The following USP34 variants were observed in gnomAD, a reference collection of about 807,000 sequenced individuals.
USP34 encodes ubiquitin specific peptidase 34.
Under a neutral mutation model 460.3 loss-of-function variants are expected in USP34, and 70 were observed. The observed-to-expected ratio is 0.15, with a 90% CI of 0.13 to 0.19. USP34 has a LOEUF of 0.19. Among genes scored for constraint, USP34 ranks in the 10% least tolerant of loss-of-function variants. The pLI is 1.00. For missense variants in USP34, 3,985 were observed against 4,236.2 expected (o/e 0.94, Z 1.65); for synonymous variants, 1,647 against 1,405.3 (o/e 1.17, Z -3.85).
chr2:61,415,583 G>A (rs1253065318), intron 2 of USP34, among the ~76,000 whole-genome samples: 2 of 152,130 alleles, frequency 1.3e-5, no homozygotes, highest in East Asian at 3.9e-4. Flanking sequence ...TAAGAAGAGT[G>A]TTTCAGAATA....
intron 10 of USP34, among the ~76,000 whole-genome samples, chr2:61,352,568 T>C (rs1441051287): frequency 6.6e-6 from 1 of 151,628 alleles, no homozygotes; most frequent in Non-Finnish European, 1.5e-5. Context: ...GCTCAAGTGA[T>C]CCTCTTGCCT....
intron 5 of USP34, among the ~76,000 whole-genome samples, chr2:61,383,941 C>A (rs1693055927): frequency 6.6e-6 from 1 of 152,060 alleles, no homozygotes; most frequent in African/African-American, 2.4e-5. Context: ...GTAATATTTC[C>A]TTACCAAATA....
In USP34 at chr2:61,187,789, T is replaced by A; in HGVS notation, c.*313A>T. ...CATACACAGTAAAAATGCTGTAAGT[T>A]TAAATTACATTGTACAGGGCTAGGC... On this transcript the variant is annotated 3_prime_UTR_variant, in exon 80 of 80. Transcript: ENST00000398571. 4 of 780,490 alleles carry A rather than the reference T, an allele frequency of 5.1e-6. No homozygotes were observed. The highest frequency in any genetic ancestry group is 6.6e-6 in the Non-Finnish European group (4 of 602,544). 48.3% of individuals were successfully genotyped at this position (780,490 alleles called of 1,614,324 possible).
rs564465583 is a variant in USP34 at position 61,392,151 on chromosome 2, G to A, written c.753+2702C>T. On this transcript the variant is annotated intron_variant, in intron 5 of 79. Coordinates refer to ENST00000398571, the MANE Select transcript of USP34 (RefSeq NM_014709.4). The stretch of plus-strand genomic sequence containing the variant: ...ATAACTTCACAGGTTGGGCAACAGC[G>A]TAACCCCATCTCTACAAAAACAATT... Among the ~76,000 whole-genome samples, 8 of 152,204 alleles carry A rather than the reference G, an allele frequency of 5.3e-5. No individual in the cohort carries two copies. The East Asian group carries it at 9.6e-4, about 18-fold the overall frequency.
At chr2:61,359,303 C>T (rs560082955) in intron 10 of USP34, among the ~76,000 whole-genome samples, 5 of 152,204 alleles carry the variant, frequency 3.3e-5, no homozygotes, top group African/African-American at 1.2e-4. Flanking sequence ...AAAAGGTCAA[C>T]TGACTTTCAA....
At chr2:61,266,852 T>A (rs1218778714) in intron 41 of USP34, among the ~76,000 whole-genome samples, 1 of 152,164 alleles carries the variant, frequency 6.6e-6, no homozygotes, top group Non-Finnish European at 1.5e-5. Context: ...ACGTCACTGG[T>A]AAGTAAACAG....
chr2:61,414,730 G>T (rs1446206134), intron 2 of USP34, among the ~76,000 whole-genome samples: 1 of 152,216 alleles, frequency 6.6e-6, no homozygotes, highest in Non-Finnish European at 1.5e-5. Flanking sequence ...GTCAGAGCAA[G>T]GGAGTCAAGG....
At chr2:61,352,901 T>C (rs1320608426) in intron 10 of USP34, among the ~76,000 whole-genome samples, 1 of 151,928 alleles carries the variant, frequency 6.6e-6, no homozygotes, top group Non-Finnish European at 1.5e-5. Context: ...TCAGGGAAGA[T>C]GGGAGAACAG....
intron 34 of USP34, among the ~76,000 whole-genome samples, chr2:61,287,794 T>C (rs1305411902): frequency 6.6e-6 from 1 of 152,178 alleles, no homozygotes; most frequent in Non-Finnish European, 1.5e-5. Context: ...AGTAGTTAAG[T>C]TCTAGGGGAG....
chr2:61,333,278 T>C (rs1359694419), intron 19 of USP34, among the ~76,000 whole-genome samples: 1 of 152,206 alleles, frequency 6.6e-6, no homozygotes, highest in African/African-American at 2.4e-5. Context: ...TTATCCAAAA[T>C]GCTGGAGACC....
intron 75 of USP34, among the ~76,000 whole-genome samples, chr2:61,199,762 T>G (rs1686915296): frequency 6.6e-6 from 1 of 152,234 alleles, no homozygotes; most frequent in Non-Finnish European, 1.5e-5. Flanking sequence ...GCTTTGCCTA[T>G]GTATTTCTGA....
chr2:61,356,588 G>C (rs1207887917), intron 10 of USP34, among the ~76,000 whole-genome samples: 2 of 152,006 alleles, frequency 1.3e-5, no homozygotes. Context: ...GAAGAGATTA[G>C]GCTAAGTGAA....
chr2:61,327,720 T>C (rs1691138104), intron 20 of USP34, among the ~76,000 whole-genome samples: 1 of 152,158 alleles, frequency 6.6e-6, no homozygotes, highest in Non-Finnish European at 1.5e-5. Flanking sequence ...GATGCTGCAC[T>C]TCAAAGATCT....
At chr2:61,424,493 T>C (rs914199975) in intron 1 of USP34, among the ~76,000 whole-genome samples, 5 of 152,192 alleles carry the variant, frequency 3.3e-5, no homozygotes, top group African/African-American at 1.2e-4. Context: ...TGCCCAGAAA[T>C]GCGTTTCAGT....
intron 77 of USP34, 32 bp downstream of exon 77, chr2:61,190,486 A>T (rs750076412): frequency 6.2e-7 from 1 of 1,606,558 alleles, no homozygotes; most frequent in Admixed American, 1.7e-5. Flanking sequence ...CTAATTAGAA[A>T]TGACACACTG....
At chr2:61,341,754 T>TC (rs1691608578) in intron 16 of USP34, among the ~76,000 whole-genome samples, 1 of 144,458 alleles carries the variant, frequency 6.9e-6, no homozygotes, top group South Asian at 2.4e-4. Context: ...CTCAGGTCTT[T>TC]CTTTTTTTTT....
At chr2:61,308,143 A>G (rs1690471716) in intron 27 of USP34, among the ~76,000 whole-genome samples, 1 of 152,224 alleles carries the variant, frequency 6.6e-6, no homozygotes, top group Non-Finnish European at 1.5e-5. Flanking sequence ...GAAAAGTGTC[A>G]GAAGTGCTAA....
At chr2:61,287,159 AC>A (rs1341708730) in intron 34 of USP34, among the ~76,000 whole-genome samples, 1 of 152,076 alleles carries the variant, frequency 6.6e-6, no homozygotes, top group Admixed American at 6.6e-5. Context: ...TTCCCATTTA[AC>A]CCCCAAAATT....
chr2:61,188,731 G>A, intron 79 of USP34, 22 bp from the exon 80 acceptor site: 1 of 1,602,670 alleles, frequency 6.2e-7, no homozygotes. Flanking sequence ...CATGCCAAAA[G>A]GGAAACTTCT....
Sources: allele counts gnomAD v4.1 joint callset (sites outside exome capture counted in the v4.1 genomes callset), GRCh38; gene constraint gnomAD v4.1.1; transcripts MANE v1.5; gene names NCBI Gene and HGNC (gene_info 2026-07-23, HGNC 2026-07-21).